The following ZBTB8OS variants were observed in gnomAD, a reference collection of about 807,000 sequenced individuals.
ZBTB8OS encodes tRNA-splicing ligase-activating factor archease.
A neutral mutation model predicts 29.3 loss-of-function variants in ZBTB8OS; 16 were observed. The observed-to-expected ratio is 0.55, with a 90% CI of 0.37 to 0.83. The LOEUF (loss-of-function observed/expected upper bound fraction) is 0.83. Ranked by LOEUF, ZBTB8OS falls within the 40% of genes least tolerant of loss-of-function variation. The probability of loss-of-function intolerance (pLI) is 0.00; values close to 1 mark genes in which losing one functional copy is unlikely to be tolerated. For synonymous variants in ZBTB8OS, 70 were observed against 64.6 expected (o/e 1.08, Z -0.40); for missense variants, 160 against 196.9 (o/e 0.81, Z 1.12).
intron 1 of ZBTB8OS, among the ~76,000 whole-genome samples, chr1:32,641,335 G>T (rs567483092): frequency 7.1e-6 from 1 of 140,650 alleles, no homozygotes; most frequent in Admixed American, 7.6e-5. Context: ...GTGCAATGGC[G>T]CGATCTCAGC....
chr1:32,650,677 C>A, upstream of ZBTB8OS: 1 of 1,411,622 alleles, frequency 7.1e-7, no homozygotes, highest in East Asian at 2.3e-5. Flanking sequence ...CTACTTTAGT[C>A]CCTACCCTGC....
chr1:32,621,851 T>C lies in ZBTB8OS; in HGVS notation c.*11A>G, dbSNP rs559943212. ...ACAGTTCTTCGTAGGAGTCTTTTATTTTTTGGTGTCTTAAATGTCAATGAT... is the reference window on the plus strand; with the variant it reads ...ACAGTTCTTCGTAGGAGTCTTTTATCTTTTGGTGTCTTAAATGTCAATGAT... On this transcript the variant is annotated 3_prime_UTR_variant, in exon 7 of 7. Coordinates refer to ENST00000468695, the MANE Select transcript of ZBTB8OS (RefSeq NM_178547.5). 2 of 1,569,176 alleles carry C rather than the reference T, an allele frequency of 1.3e-6. No individual in the cohort carries two copies. Among genetic ancestry groups the C allele is most frequent in the East Asian group, 2.3e-5 (1 of 44,152 alleles).
At chr1:32,636,195 C>T (rs527294943) in intron 1 of ZBTB8OS, among the ~76,000 whole-genome samples, 1 of 152,256 alleles carries the variant, frequency 6.6e-6, no homozygotes, top group South Asian at 2.1e-4. Flanking sequence ...TATCCACTTC[C>T]CAAGCCCCTA....
intron 5 of ZBTB8OS, among the ~76,000 whole-genome samples, chr1:32,631,132 G>T (rs12059220): frequency 0.027 from 4,075 of 152,160 alleles, 183 homozygotes; most frequent in African/African-American, 0.092. Context: ...GAGGCCAGAG[G>T]ACTGCTTGAG....
chr1:32,625,159 G>T (rs1351892617), intron 6 of ZBTB8OS, among the ~76,000 whole-genome samples: 1 of 151,556 alleles, frequency 6.6e-6, no homozygotes, highest in Non-Finnish European at 1.5e-5. Context: ...GGAGGGGGAG[G>T]TTGCAGTGAG....
At chr1:32,634,993 C>T (rs12033429) in intron 1 of ZBTB8OS, among the ~76,000 whole-genome samples, 4,267 of 149,720 alleles carry the variant, frequency 0.028, 92 homozygotes, top group Non-Finnish European at 0.044. Flanking sequence ...TTTTTTTTTG[C>T]GGGGACAGAG....
At chr1:32,647,973 C>T (rs532854932) in intron 1 of ZBTB8OS, among the ~76,000 whole-genome samples, 1 of 152,096 alleles carries the variant, frequency 6.6e-6, no homozygotes, top group Non-Finnish European at 1.5e-5. Flanking sequence ...TTGGGGACCG[C>T]TGGTTAATGA....
intron 5 of ZBTB8OS, 59 bp downstream of exon 5, chr1:32,631,768 A>G (rs1246634657): frequency 1.6e-6 from 2 of 1,289,354 alleles, no homozygotes; most frequent in Non-Finnish European, 2.2e-6. Flanking sequence ...TTCCTTGCTC[A>G]TTGAATTCAA....
At chr1:32,624,371 C>T (rs1644956853) in intron 6 of ZBTB8OS, among the ~76,000 whole-genome samples, 1 of 152,162 alleles carries the variant, frequency 6.6e-6, no homozygotes, top group South Asian at 2.1e-4. Flanking sequence ...AGAGACTTCG[C>T]TTATCCTATT....
chr1:32,627,084 C>CCACAA (rs1645180906), intron 6 of ZBTB8OS, among the ~76,000 whole-genome samples: 1 of 152,106 alleles, frequency 6.6e-6, no homozygotes, highest in South Asian at 2.1e-4. Context: ...ATTATCTGTC[C>CCACAA]ATTTTACAGA....
At chr1:32,638,597 T>TA (rs1413147588) in intron 1 of ZBTB8OS, among the ~76,000 whole-genome samples, 1 of 152,090 alleles carries the variant, frequency 6.6e-6, no homozygotes, top group Non-Finnish European at 1.5e-5. Context: ...AAAAGATTTT[T>TA]AAATACGTAT....
At chr1:32,634,140 A>G (rs1363023089) in intron 2 of ZBTB8OS, 68 bp from the exon 3 acceptor site, 3 of 1,318,820 alleles carry the variant, frequency 2.3e-6, no homozygotes, top group Non-Finnish European at 3.0e-6. Context: ...ATAGCAGGCA[A>G]AGTCAAAATA....
chr1:32,624,600 G>T lies in ZBTB8OS; in HGVS notation c.418-2652C>A, dbSNP rs1334523079. On this transcript the variant is annotated intron_variant, in intron 6 of 6. Coordinates refer to ENST00000468695, the MANE Select transcript of ZBTB8OS (RefSeq NM_178547.5). ...TTTGTAAAACATTCCTTTTTGCTTT[G>T]AAAAGTTGATTGGCTGGGCCCAGTG... is the stretch of plus-strand genomic sequence containing the variant. Among the ~76,000 whole-genome samples, 7 of 152,190 alleles carry T rather than the reference G, an allele frequency of 4.6e-5. No individual in the cohort carries two copies. In the East Asian group the frequency reaches 1.2e-3, roughly 25 times the overall value.
chr1:32,644,534 C>CTT lies in ZBTB8OS; in HGVS notation c.97+5897_97+5898dup, dbSNP rs57960226. On this transcript the variant is annotated intron_variant, in intron 1 of 6. Transcript: ENST00000468695. ...TCCTAAGAATGTTCTTTTCTTTTTC[C>CTT]TTTTTTTTTTTTTTTTTTGGAGTCA... 2.0e-3 allele frequency among the ~76,000 whole-genome samples: 249 copies of CTT among 127,018 alleles called. 4 individuals carry two copies. Among genetic ancestry groups the CTT allele is most frequent in the African/African-American group, 5.5e-3 (180 of 32,838 alleles). 83.3% of individuals were successfully genotyped at this position (127,018 alleles called of 152,430 possible).
chr1:32,633,564 CCTATTTTAAATCATCTGTT>C, intron 4 of ZBTB8OS, 62 bp downstream of exon 4: 2 of 1,044,030 alleles, frequency 1.9e-6, no homozygotes, highest in South Asian at 3.0e-5. Flanking sequence ...TTTCACATGT[CCTATTTTAAATCATCTGTT>C]CTATTTTAAA....
chr1:32,650,278 G>A, intron 1 of ZBTB8OS, 155 bp downstream of exon 1: 3 of 1,017,300 alleles, frequency 2.9e-6, no homozygotes, highest in Non-Finnish European at 4.2e-6. Flanking sequence ...AGCATCCCCA[G>A]GAGAAGTACG....
At chr1:32,627,627 T>A in intron 5 of ZBTB8OS, 83 bp from the exon 6 acceptor site, 2 of 1,379,042 alleles carry the variant, frequency 1.5e-6, no homozygotes, top group South Asian at 2.4e-5. Flanking sequence ...GTGGTTAACA[T>A]GCTAGAAAGC....
intron 4 of ZBTB8OS, 174 bp downstream of exon 4, chr1:32,633,471 C>T (rs1645727962): frequency 3.7e-6 from 2 of 546,670 alleles, no homozygotes; most frequent in African/African-American, 2.0e-5. Flanking sequence ...CCCACATAGG[C>T]AAATGCAGGT....
At chr1:32,634,167 T>C in intron 2 of ZBTB8OS, 95 bp from the exon 3 acceptor site, 10 of 1,188,824 alleles carry the variant, frequency 8.4e-6, no homozygotes, top group Non-Finnish European at 1.1e-5. Context: ...GTATGATAAA[T>C]ACAAATTTTA....
Sources: gnomAD v4.1 joint callset for allele counts (sites outside exome capture counted in the v4.1 genomes callset) on GRCh38, gnomAD v4.1.1 for gene constraint, MANE v1.5 for transcripts, NCBI Gene and HGNC (gene_info 2026-07-23, HGNC 2026-07-21) for gene names.